Variants in ZHX2 observed in about 807,000 individuals in gnomAD.
The protein encoded by ZHX2 is zinc fingers and homeoboxes protein 2.
ZHX2 carries 6 observed loss-of-function variants against 21.9 expected under a neutral mutation model. That is an observed-to-expected ratio of 0.27 (90% CI 0.15 to 0.54). The LOEUF (loss-of-function observed/expected upper bound fraction) is 0.54. Among genes scored for constraint, ZHX2 ranks in the 20% least tolerant of loss-of-function variants. ZHX2 has a pLI of 0.95. For synonymous variants in ZHX2, 434 were observed against 437.1 expected (o/e 0.99, Z 0.09); for missense variants, 908 against 1,090.7 (o/e 0.83, Z 2.36).
chr8:122,858,559 G>C (rs1190874664), intron 1 of ZHX2, among the ~76,000 whole-genome samples: 1 of 151,986 alleles, frequency 6.6e-6, no homozygotes, highest in African/African-American at 2.4e-5. Flanking sequence ...AGTAAGGTTG[G>C]AAATGTGTGT....
chr8:122,952,136 A>T lies in ZHX2; in HGVS notation c.626A>T (p.Glu209Val). Residue 209 changes from glutamate (E) to valine (V), a missense_variant, in exon 3 of 4, where the codon GAG (glutamate) becomes GTG (valine). Transcript: ENST00000314393. This position sits in a 1 kb window ranked among gnomAD's most constrained non-coding sequence, Gnocchi z 6.9. ...VPKKPEEITPENHVEGTARLV... is the reference protein window; with the variant it reads ...VPKKPEEITPVNHVEGTARLV... ...AAGAAGCCCGAGGAGATCACCCCCGAGAACCACGTGGAAGGGACCGCCCGC... is the reference window on the plus strand; with the variant it reads ...AAGAAGCCCGAGGAGATCACCCCCGTGAACCACGTGGAAGGGACCGCCCGC... The T allele has an allele frequency of 6.2e-7, 1 of 1,613,782 alleles. No individual in the cohort carries two copies. The highest frequency in any genetic ancestry group is 8.5e-7 in the Non-Finnish European group (1 of 1,179,938).
intron 2 of ZHX2, among the ~76,000 whole-genome samples, chr8:122,876,262 G>T (rs1206024293): frequency 6.6e-6 from 1 of 151,162 alleles, no homozygotes; most frequent in East Asian, 2.0e-4. Flanking sequence ...ATTCATTGTT[G>T]CCAGGAAGCA....
At chr8:122,804,589 C>T (rs16897461) in intron 1 of ZHX2, among the ~76,000 whole-genome samples, 2,566 of 152,266 alleles carry the variant, frequency 0.017, 40 homozygotes, top group South Asian at 0.063. Context: ...GAAAGAATTG[C>T]TAGGCCGGAG....
intron 2 of ZHX2, among the ~76,000 whole-genome samples, chr8:122,889,090 GA>G (rs1819915440): frequency 6.6e-6 from 1 of 152,132 alleles, no homozygotes; most frequent in Non-Finnish European, 1.5e-5. Flanking sequence ...TTTCACGACT[GA>G]ATAGTATTTT....
chr8:122,787,575 G>T (rs891671228), intron 1 of ZHX2, among the ~76,000 whole-genome samples: 1 of 152,172 alleles, frequency 6.6e-6, no homozygotes, highest in Non-Finnish European at 1.5e-5. Context: ...CAAAATCCTG[G>T]GGACCATTTC....
intron 1 of ZHX2, among the ~76,000 whole-genome samples, chr8:122,858,438 G>C (rs1318045152): frequency 6.6e-6 from 1 of 152,060 alleles, no homozygotes; most frequent in Non-Finnish European, 1.5e-5. Flanking sequence ...GCTTAAACTA[G>C]GCCAAAAGGG....
At chr8:122,886,212 TGAAA>T (rs1819839603) in intron 2 of ZHX2, among the ~76,000 whole-genome samples, 1 of 152,060 alleles carries the variant, frequency 6.6e-6, no homozygotes, top group Non-Finnish European at 1.5e-5. Flanking sequence ...TATTGCTAAG[TGAAA>T]GAAGCCAATC....
intron 1 of ZHX2, among the ~76,000 whole-genome samples, chr8:122,851,736 C>T (rs1013837464): frequency 6.6e-6 from 1 of 152,216 alleles, no homozygotes; most frequent in Non-Finnish European, 1.5e-5. Context: ...ACTGTAATAT[C>T]CTTATTTGCC....
At chr8:122,955,543 C>T (rs1486817047) in intron 3 of ZHX2, among the ~76,000 whole-genome samples, 1 of 152,082 alleles carries the variant, frequency 6.6e-6, no homozygotes, top group African/African-American at 2.4e-5. Context: ...CTCTAGAAAC[C>T]TTGTTTTAGC....
At chr8:122,911,667 G>A (rs762718929) in intron 2 of ZHX2, among the ~76,000 whole-genome samples, 12 of 152,186 alleles carry the variant, frequency 7.9e-5, no homozygotes, top group Non-Finnish European at 1.6e-4. Context: ...GTACAAGAAG[G>A]ACCGAGGTTT....
chr8:122,947,811 C>T (rs147817016), intron 2 of ZHX2, among the ~76,000 whole-genome samples: 4 of 144,898 alleles, frequency 2.8e-5, no homozygotes, highest in East Asian at 2.0e-4. Context: ...GTGTGAAGGG[C>T]GGCGGGAGAG....
chr8:122,831,154 T>C (rs889723930), intron 1 of ZHX2, among the ~76,000 whole-genome samples: 2 of 152,230 alleles, frequency 1.3e-5, no homozygotes, highest in Admixed American at 1.3e-4. Context: ...GGAATGCTTC[T>C]ACTTATCTGG....
At chr8:122,781,038 T>G (rs572875844), upstream of ZHX2, 4 of 152,344 alleles carry the variant, frequency 2.6e-5, no homozygotes, top group Admixed American at 6.5e-5. The surrounding 1 kb of genome is among the most constrained non-coding windows in gnomAD (Gnocchi z 4.6). Flanking sequence ...AGCCTTCTCA[T>G]TATCATTCCG....
At chr8:122,924,197 G>A (rs1033151298) in intron 2 of ZHX2, among the ~76,000 whole-genome samples, 4 of 152,128 alleles carry the variant, frequency 2.6e-5, no homozygotes, top group Admixed American at 2.6e-4. Context: ...GGTCAACAGG[G>A]CCGTGCTCCC....
At chr8:122,785,939 A>G (rs376171664) in intron 1 of ZHX2, among the ~76,000 whole-genome samples, 107 of 152,356 alleles carry the variant, frequency 7.0e-4, no homozygotes, top group African/African-American at 2.5e-3. Context: ...GACTGACAGC[A>G]GAGTACCTTG....
chr8:122,811,662 T>C (rs1817932676), intron 1 of ZHX2, among the ~76,000 whole-genome samples: 1 of 152,154 alleles, frequency 6.6e-6, no homozygotes, highest in Admixed American at 6.5e-5. Context: ...GGTCCGTGAG[T>C]GGCTGTCACC....
At chr8:122,870,282 G>A (rs1819399507) in intron 2 of ZHX2, among the ~76,000 whole-genome samples, 3 of 152,070 alleles carry the variant, frequency 2.0e-5, no homozygotes, top group South Asian at 2.1e-4. Context: ...AGCAATGAGC[G>A]GCTTTCAGAG....
chr8:122,904,306 C>T (rs1448369026), intron 2 of ZHX2, among the ~76,000 whole-genome samples: 2 of 152,220 alleles, frequency 1.3e-5, no homozygotes, highest in Non-Finnish European at 2.9e-5. Context: ...GGTCCAGCCC[C>T]TGCTCCACCA....
At chr8:122,924,916 A>T (rs991434087) in intron 2 of ZHX2, among the ~76,000 whole-genome samples, 2 of 152,172 alleles carry the variant, frequency 1.3e-5, no homozygotes, top group African/African-American at 4.8e-5. Flanking sequence ...GCTGCTAATA[A>T]TATGGGAGAA....
Sources: allele counts gnomAD v4.1 joint callset (sites outside exome capture counted in the v4.1 genomes callset), GRCh38; gene constraint gnomAD v4.1.1; non-coding constraint Gnocchi (gnomAD v3.1); transcripts MANE v1.5; gene names NCBI Gene and HGNC (gene_info 2026-07-23, HGNC 2026-07-21).